The following SPINK5 variants were observed in gnomAD, a reference collection of about 807,000 sequenced individuals.
SPINK5 encodes serine peptidase inhibitor Kazal type 5, also known as serine protease inhibitor Kazal-type 5.
Under a neutral mutation model 151.8 loss-of-function variants are expected in SPINK5, and 125 were observed. The observed-to-expected ratio is 0.82, with a 90% confidence interval of 0.71 to 0.96. The LOEUF is 0.96. Ranked by LOEUF, SPINK5 falls within the 40% of genes least tolerant of loss-of-function variation. The pLI is 0.00. For synonymous variants in SPINK5, 374 were observed against 395.3 expected, an observed-to-expected ratio of 0.95 and a Z score of 0.64; for missense variants, 1,194 against 1,291.9, an observed-to-expected ratio of 0.92 and a Z score of 1.16.
chr5:148,106,990 G>A, intron 16 of SPINK5, 47 bp from the exon 17 acceptor site: 1 of 1,603,462 alleles, frequency 6.2e-7, no homozygotes, highest in Non-Finnish European at 8.5e-7. Context: ...AAAAGATGCA[G>A]GAAGGATAGA....
chr5:148,125,862 G>T lies in SPINK5; in HGVS notation c.2867+12G>T. ...TGCAGAGCTGTCTTGTGAGTAAGAG[G>T]ATTCTGCTCCCCCTGTAGCTAGCAG... On this transcript the variant is annotated intron_variant, in intron 29 of 32. Transcript: ENST00000256084. 1 of 1,614,146 alleles carries T rather than the reference G, an allele frequency of 6.2e-7. No individual in the cohort carries two copies. Among genetic ancestry groups the T allele is most frequent in the Non-Finnish European group, 8.5e-7 (1 of 1,180,014 alleles).
intron 4 of SPINK5, among the ~76,000 whole-genome samples, chr5:148,076,820 A>G (rs1036340867): frequency 6.6e-6 from 1 of 151,712 alleles, no homozygotes; most frequent in African/African-American, 2.4e-5. Flanking sequence ...ACAATAACTG[A>G]AATGAAAAGT....
chr5:148,108,948 G>T lies in SPINK5; in HGVS notation c.1692+111G>T. 3 of 1,556,036 alleles carry T rather than the reference G, an allele frequency of 1.9e-6. No homozygotes were observed. The African/African-American group carries it at 4.1e-5, about 21-fold the overall frequency. On this transcript the variant is annotated intron_variant, in intron 18 of 32. Transcript: ENST00000256084. The stretch of plus-strand genomic sequence containing the variant: ...AGTATTCTTAGTTTCTTTGCAAACT[G>T]GGAAAATGTGTTTGGATCCCCATAT...
intron 3 of SPINK5, 67 bp downstream of exon 3, chr5:148,070,517 G>A (rs760304019): frequency 2.4e-5 from 38 of 1,595,704 alleles, no homozygotes; most frequent in Non-Finnish European, 3.1e-5. Context: ...ACTGGTAAAT[G>A]TATTCTTTTT....
At chr5:148,073,713 T>TA (rs1416790823) in intron 4 of SPINK5, among the ~76,000 whole-genome samples, 2 of 151,714 alleles carry the variant, frequency 1.3e-5, no homozygotes, top group Non-Finnish European at 2.9e-5. Context: ...TTTCCATATG[T>TA]AGACACAAAT....
chr5:148,131,877 A>G (rs1754582522), intron 31 of SPINK5, among the ~76,000 whole-genome samples: 1 of 152,176 alleles, frequency 6.6e-6, no homozygotes, highest in Non-Finnish European at 1.5e-5. Flanking sequence ...GCACTGTACA[A>G]AAGAAAGCCC....
chr5:148,074,321 C>A (rs1216249432), intron 4 of SPINK5, among the ~76,000 whole-genome samples: 6 of 151,782 alleles, frequency 4.0e-5, no homozygotes, highest in Admixed American at 6.6e-5. Flanking sequence ...GGTACTGCCT[C>A]CAAAGTCTAA....
At chr5:148,109,580 C>T (rs1753868143) in intron 18 of SPINK5, among the ~76,000 whole-genome samples, 1 of 151,328 alleles carries the variant, frequency 6.6e-6, no homozygotes, top group African/African-American at 2.4e-5. Flanking sequence ...AACTTGAGAA[C>T]CAAGAATTGA....
At chr5:148,095,127 A>G (rs1197043250) in intron 9 of SPINK5, among the ~76,000 whole-genome samples, 2 of 151,980 alleles carry the variant, frequency 1.3e-5, no homozygotes, top group African/African-American at 4.8e-5. Context: ...TTCCTTGGAC[A>G]AGAACTCCTA....
chr5:148,096,957 G>C (rs909211120), intron 10 of SPINK5, among the ~76,000 whole-genome samples: 18 of 151,026 alleles, frequency 1.2e-4, no homozygotes, highest in Non-Finnish European at 2.4e-4. Flanking sequence ...CTTCCCCTCA[G>C]TCCTAGGTTA....
chr5:148,106,969 C>CTCATAATA, intron 16 of SPINK5, 68 bp from the exon 17 acceptor site: 1 of 1,592,650 alleles, frequency 6.3e-7, no homozygotes, highest in South Asian at 1.1e-5. Context: ...TTACATATTC[C>CTCATAATA]TCATAATAGG....
intron 30 of SPINK5, among the ~76,000 whole-genome samples, chr5:148,127,370 C>T (rs1161870169): frequency 6.6e-6 from 1 of 152,144 alleles, no homozygotes; most frequent in African/African-American, 2.4e-5. Context: ...TGGTAAAATA[C>T]ATAGTCAGGT....
At chr5:148,119,583 T>C (rs1426043671) in intron 24 of SPINK5, among the ~76,000 whole-genome samples, 1 of 152,222 alleles carries the variant, frequency 6.6e-6, no homozygotes, top group Non-Finnish European at 1.5e-5. Context: ...CTCTAACTTC[T>C]AGAAGCTACC....
At chr5:148,071,016 T>A (rs2035047800) in intron 3 of SPINK5, among the ~76,000 whole-genome samples, 1 of 152,140 alleles carries the variant, frequency 6.6e-6, no homozygotes, top group Admixed American at 6.6e-5. Flanking sequence ...AAAGAATTAG[T>A]ATCCTGGAAG....
chr5:148,094,491 G>T lies in SPINK5; in HGVS notation c.794+10G>T. 6.2e-7 allele frequency: 1 copy of T among 1,612,146 alleles called. No homozygotes were observed. Among genetic ancestry groups the T allele is most frequent in the African/African-American group, 1.3e-5 (1 of 74,860 alleles). On this transcript the variant is annotated intron_variant, in intron 9 of 32. Transcript: ENST00000256084. ...TGTGTGCTGAAATTTTGTGAGTATAGAAGTGGTTTTTTCAGAGTGATTCAA... is the reference window on the plus strand; with the variant it reads ...TGTGTGCTGAAATTTTGTGAGTATATAAGTGGTTTTTTCAGAGTGATTCAA...
intron 26 of SPINK5, 86 bp downstream of exon 26, chr5:148,120,477 A>T: frequency 6.8e-7 from 1 of 1,467,236 alleles, no homozygotes; most frequent in Non-Finnish European, 9.3e-7. Context: ...TGAAATGCTG[A>T]CTCTGTCCCA....
At chr5:148,134,557 C>T (rs543026240) in intron 32 of SPINK5, among the ~76,000 whole-genome samples, 2 of 152,076 alleles carry the variant, frequency 1.3e-5, no homozygotes, top group Admixed American at 6.5e-5. Flanking sequence ...CCAAATATCC[C>T]AATGACCTAT....
At chr5:148,065,049 C>T (rs979245296) in intron 1 of SPINK5, among the ~76,000 whole-genome samples, 2 of 151,912 alleles carry the variant, frequency 1.3e-5, no homozygotes, top group African/African-American at 2.4e-5. Context: ...TTTATTACTC[C>T]GAAAGGACCT....
rs997064323 is a variant in SPINK5 at position 148,137,176 on chromosome 5, G to C, written c.*185G>C. On this transcript the variant is annotated 3_prime_UTR_variant, in exon 33 of 33. Transcript: ENST00000256084. ...TTCCATCTCTTTCCTCCTAGACTCTGTGATCTGAGGGTATAAAGACATCTC... is the reference window on the plus strand; with the variant it reads ...TTCCATCTCTTTCCTCCTAGACTCTCTGATCTGAGGGTATAAAGACATCTC... 4 of 736,330 alleles carry C rather than the reference G, an allele frequency of 5.4e-6. No homozygotes were observed. In the African/African-American group the frequency reaches 7.1e-5, roughly 13 times the overall value. 45.6% of individuals were successfully genotyped at this position (736,330 alleles called of 1,614,324 possible).
Sources: gnomAD v4.1 joint callset for allele counts (sites outside exome capture counted in the v4.1 genomes callset) on GRCh38, gnomAD v4.1.1 for gene constraint, MANE v1.5 for transcripts, NCBI Gene and HGNC (gene_info 2026-07-23, HGNC 2026-07-21) for gene names.